VPS13A: variants seen among roughly 807,000 people sequenced by gnomAD.
The protein encoded by VPS13A is vacuolar protein sorting 13 homolog A.
A neutral mutation model predicts 390.9 loss-of-function variants in VPS13A; 264 were observed. The ratio of observed to expected loss-of-function variants is 0.68; its 90% confidence interval spans 0.61 to 0.75. VPS13A has a LOEUF of 0.75. VPS13A is among the 30% of genes least tolerant of loss of function. The probability of loss-of-function intolerance (pLI) is 0.00; values close to 1 mark genes in which losing one functional copy is unlikely to be tolerated. For missense variants in VPS13A, 3,409 were observed against 3,733.9 expected, an observed-to-expected ratio of 0.91 and a Z score of 2.27; for synonymous variants, 1,231 against 1,227.1, an observed-to-expected ratio of 1.00 and a Z score of -0.07.
chr9:77,320,605 C>G (rs898056136), intron 42 of VPS13A, among the ~76,000 whole-genome samples: 3 of 151,986 alleles, frequency 2.0e-5, no homozygotes, highest in Non-Finnish European at 4.4e-5. Context: ...CATATTAGAT[C>G]ACTTAATTTT....
intron 68 of VPS13A, among the ~76,000 whole-genome samples, chr9:77,393,851 C>T (rs1834003003): frequency 6.6e-6 from 1 of 152,170 alleles, no homozygotes; most frequent in Non-Finnish European, 1.5e-5. Context: ...TCACTGCAAC[C>T]TCCGCCTCCT....
At position 77,276,106 on chromosome 9, in the gene VPS13A, A is replaced by G. The variant is rs1256989711; in HGVS notation, c.2709A>G (p.Leu903=). Reference sequence around the variant, plus strand: ...ATCACCTTGTTGGAGATTGTGAACTATCTGTGGTAGAAATTCTTGTTTTAG... The same window carrying G: ...ATCACCTTGTTGGAGATTGTGAACTGTCTGTGGTAGAAATTCTTGTTTTAG... ...EFYHLVGDCE[L]SVVEILVLGL... Residue 903 remains leucine, a synonymous_variant, in exon 26 of 72, where the codon CTA becomes CTG. Coordinates refer to ENST00000360280, the MANE Select transcript of VPS13A (RefSeq NM_033305.3). 3.7e-6 allele frequency: 6 copies of G among 1,613,216 alleles called. No homozygotes were observed. In the East Asian group the frequency reaches 1.3e-4, roughly 36 times the overall value.
At chr9:77,291,027 A>T (rs145675204) in intron 31 of VPS13A, among the ~76,000 whole-genome samples, 1 of 152,276 alleles carries the variant, frequency 6.6e-6, no homozygotes, top group Non-Finnish European at 1.5e-5. Flanking sequence ...TATCATGCAT[A>T]GCAGGAGTCC....
chr9:77,403,632 T>G (rs1488549190), intron 69 of VPS13A, among the ~76,000 whole-genome samples: 1 of 152,196 alleles, frequency 6.6e-6, no homozygotes, highest in Non-Finnish European at 1.5e-5. Flanking sequence ...AAGTGTACAA[T>G]TTTAGGTTAT....
chr9:77,297,420 C>T (rs1828076973), intron 33 of VPS13A, among the ~76,000 whole-genome samples: 2 of 152,024 alleles, frequency 1.3e-5, no homozygotes, highest in Non-Finnish European at 2.9e-5. Context: ...GGTCCCCCCT[C>T]CCTGTACCAT....
chr9:77,356,695 T>A lies in VPS13A; in HGVS notation c.7653-19T>A. On this transcript the variant is annotated intron_variant, in intron 54 of 71. Coordinates refer to ENST00000360280, the MANE Select transcript of VPS13A (RefSeq NM_033305.3). Reference sequence around the variant, plus strand: ...ATAACTTAGTATTAAATACTATGATTTTTGCTTTCTTAAATAAGTTCTGAT... The same window carrying A: ...ATAACTTAGTATTAAATACTATGATATTTGCTTTCTTAAATAAGTTCTGAT... 6.3e-7 allele frequency: 1 copy of A among 1,590,658 alleles called. No individual in the cohort carries two copies. Among genetic ancestry groups the A allele is most frequent in the Non-Finnish European group, 8.6e-7 (1 of 1,166,846 alleles).
chr9:77,408,718 C>G (rs1192315330), intron 71 of VPS13A, among the ~76,000 whole-genome samples: 1 of 152,316 alleles, frequency 6.6e-6, no homozygotes, highest in Admixed American at 6.5e-5. Context: ...AGTCTGAGAT[C>G]AAAGTGCAAG....
In VPS13A at chr9:77,275,657, G is replaced by A. The variant is rs770291691; in HGVS notation, c.2667+5G>A. The A allele has an allele frequency of 1.2e-6, 2 of 1,612,576 alleles. No individual in the cohort carries two copies. Among genetic ancestry groups the A allele is most frequent in the Non-Finnish European group, 1.7e-6 (2 of 1,178,934 alleles). ...ATAAGATTTGAAGTACCAAAGGTAG[G>A]TACTACGGTAAAATTAACATGGCTT... On this transcript the variant is annotated splice_donor_5th_base_variant and intron_variant, in intron 25 of 71. Transcript: ENST00000360280.
intron 47 of VPS13A, chr9:77,337,754 T>TG: frequency 2.0e-6 from 1 of 491,902 alleles, no homozygotes; most frequent in Non-Finnish European, 3.5e-6. Context: ...TGCTACATTA[T>TG]GTTGTATTCT....
chr9:77,341,405 CAGTCACACT>C (rs1446144897), intron 50 of VPS13A, among the ~76,000 whole-genome samples: 7 of 152,168 alleles, frequency 4.6e-5, no homozygotes, highest in African/African-American at 1.7e-4. Flanking sequence ...TGATGTTCTG[CAGTCACACT>C]GCTATATGTC....
chr9:77,177,876 T>C, intron 1 of VPS13A, 72 bp downstream of exon 1: 1 of 1,411,274 alleles, frequency 7.1e-7, no homozygotes. Context: ...AGCGGCGTCC[T>C]GCGTTCTCGG....
In VPS13A at chr9:77,358,422, G is replaced by A. The variant is rs149390014; in HGVS notation, c.8019G>A (p.Ser2673=). The stretch of plus-strand genomic sequence containing the variant: ...TTTATCCTGTTAAACCTCCAAAGTC[G>A]GTCACCATGGATTCAGGTTTGTTTT... ...FVFYPVKPPK[S]VTMDSAPKPF... The change falls in exon 57 of 72, where the codon TCG becomes TCA. Residue 2673 remains serine, a synonymous_variant. Coordinates refer to ENST00000360280, the MANE Select transcript of VPS13A (RefSeq NM_033305.3). 12 of 1,612,728 alleles carry A rather than the reference G, an allele frequency of 7.4e-6. No homozygotes were observed. Among genetic ancestry groups the A allele is most frequent in the Admixed American group, 5.0e-5 (3 of 60,012 alleles).
At chr9:77,331,854 A>T (rs545848500) in intron 45 of VPS13A, among the ~76,000 whole-genome samples, 156 bp from the exon 46 acceptor site, 1 of 152,028 alleles carries the variant, frequency 6.6e-6, no homozygotes, top group African/African-American at 2.4e-5. Flanking sequence ...ATGTTTTAGG[A>T]TAAATAATAT....
At chr9:77,411,067 A>C (rs1834895208) in intron 71 of VPS13A, among the ~76,000 whole-genome samples, 1 of 152,228 alleles carries the variant, frequency 6.6e-6, no homozygotes, top group African/African-American at 2.4e-5. Context: ...ATGTAAAAGA[A>C]CAGAAATTAT....
At chr9:77,313,608 G>T (rs1256035695) in intron 35 of VPS13A, among the ~76,000 whole-genome samples, 1 of 151,996 alleles carries the variant, frequency 6.6e-6, no homozygotes. Flanking sequence ...AATGTCTCTT[G>T]GTTTTAGTTT....
chr9:77,256,058 T>C (rs113269772), intron 22 of VPS13A, among the ~76,000 whole-genome samples: 3,168 of 152,192 alleles, frequency 0.021, 67 homozygotes, highest in Admixed American at 0.064. Context: ...GCTGTTCTTT[T>C]TCTAGTTCCT....
intron 59 of VPS13A, among the ~76,000 whole-genome samples, chr9:77,362,429 G>C (rs368071640): frequency 6.6e-6 from 1 of 152,200 alleles, no homozygotes; most frequent in Non-Finnish European, 1.5e-5. Context: ...TGACACCCTA[G>C]TTGAAAATCA....
In VPS13A at chr9:77,339,689, T is replaced by G; in HGVS notation, c.6552T>G (p.Thr2184=). 6.2e-7 allele frequency: 1 copy of G among 1,614,048 alleles called. No homozygotes were observed. Among genetic ancestry groups the G allele is most frequent in the Non-Finnish European group, 8.5e-7 (1 of 1,179,976 alleles). Residue 2184 remains threonine, a synonymous_variant, in exon 48 of 72, where the codon ACT becomes ACG. Coordinates refer to ENST00000360280, the MANE Select transcript of VPS13A (RefSeq NM_033305.3). ...AAGACATTAGTTTTGTCAGTTTTAC[T>G]TGTGTTACAGAAATGGAAAAGACTG... The part of the protein sequence containing the change: ...NQQDISFVSF[T]CVTEMEKTDL...
intron 19 of VPS13A, 128 bp from the exon 20 acceptor site, chr9:77,247,131 C>T: frequency 1.3e-6 from 1 of 758,850 alleles, no homozygotes; most frequent in Non-Finnish European, 2.0e-6. Context: ...AAGTATTTTG[C>T]TGAGGTCATT....
Sources: gnomAD v4.1 joint callset for allele counts (sites outside exome capture counted in the v4.1 genomes callset) on GRCh38, gnomAD v4.1.1 for gene constraint, MANE v1.5 for transcripts, NCBI Gene and HGNC (gene_info 2026-07-23, HGNC 2026-07-21) for gene names.